The following CSMD1 variants were observed in gnomAD, a reference collection of about 807,000 sequenced individuals.
CSMD1 encodes the protein CUB and sushi domain-containing protein 1.
In CSMD1, 213 loss-of-function variants were observed where a neutral mutation model predicts 417.5. That is an observed-to-expected ratio of 0.51 (90% CI 0.46 to 0.57). The LOEUF (loss-of-function observed/expected upper bound fraction) is 0.57, where lower values mean the gene tolerates loss of function less well. Ranked by LOEUF, CSMD1 falls within the 20% of genes least tolerant of loss-of-function variation. The pLI is 0.00. For synonymous variants in CSMD1, 2,862 were observed against 1,736.8 expected (o/e 1.65, Z -16.11); for missense variants, 6,923 against 4,529.7 (o/e 1.53, Z -15.17).
intron 5 of CSMD1, among the ~76,000 whole-genome samples, chr8:3,880,177 A>G (rs1303343596): frequency 1.3e-5 from 2 of 152,204 alleles, no homozygotes; most frequent in Admixed American, 1.3e-4. Context: ...ATTGGATTCA[A>G]GAATAGCCAA....
intron 2 of CSMD1, among the ~76,000 whole-genome samples, chr8:4,566,113 A>G (rs1798593715): frequency 6.6e-6 from 1 of 152,126 alleles, no homozygotes; most frequent in South Asian, 2.1e-4. Context: ...TGTACTTTCC[A>G]GGAATATACA....
At chr8:3,416,438 A>T (rs73657869) in intron 12 of CSMD1, among the ~76,000 whole-genome samples, 1 of 152,176 alleles carries the variant, frequency 6.6e-6, no homozygotes, top group Non-Finnish European at 1.5e-5. Context: ...AAATAAATGA[A>T]TGTGGACTAT....
intron 31 of CSMD1, among the ~76,000 whole-genome samples, chr8:3,202,331 T>A (rs1371702606): frequency 1.3e-5 from 2 of 152,234 alleles, no homozygotes; most frequent in African/African-American, 4.8e-5. Flanking sequence ...CATTAATACG[T>A]TGCCGTATTC....
At chr8:3,019,198 G>T (rs145816602) in intron 51 of CSMD1, among the ~76,000 whole-genome samples, 3 of 152,144 alleles carry the variant, frequency 2.0e-5, no homozygotes, top group Non-Finnish European at 2.9e-5. Flanking sequence ...GATTACAGGC[G>T]TGAGCCACTG....
In CSMD1 at chr8:3,535,380, A is replaced by G. The variant is rs538229617; in HGVS notation, c.1344+39565T>C. On this transcript the variant is annotated intron_variant, in intron 10 of 69. Coordinates refer to ENST00000635120, the MANE Select transcript of CSMD1 (RefSeq NM_033225.6). Reference sequence around the variant, plus strand: ...CTGAGTCCAGAGGACAGAAATGGAAATAAAAGTGTGAACCCTGACACCTGC... The same window carrying G: ...CTGAGTCCAGAGGACAGAAATGGAAGTAAAAGTGTGAACCCTGACACCTGC... 2.6e-5 allele frequency among the ~76,000 whole-genome samples: 4 copies of G among 152,308 alleles called. No homozygotes were observed. In the South Asian group the frequency reaches 6.2e-4, roughly 24 times the overall value.
At chr8:4,635,408 T>C (rs1266545828) in intron 2 of CSMD1, among the ~76,000 whole-genome samples, 1 of 152,072 alleles carries the variant, frequency 6.6e-6, no homozygotes, top group Non-Finnish European at 1.5e-5. Flanking sequence ...ATCATAATAG[T>C]ACCATAAGAC....
chr8:4,460,571 T>C (rs1371243518), intron 2 of CSMD1, among the ~76,000 whole-genome samples: 1 of 151,108 alleles, frequency 6.6e-6, no homozygotes, highest in Non-Finnish European at 1.5e-5. Context: ...TTTGCTAGAC[T>C]GTTCAAGAAA....
intron 26 of CSMD1, among the ~76,000 whole-genome samples, chr8:3,263,131 C>T (rs559427912): frequency 1.3e-5 from 2 of 152,150 alleles, no homozygotes; most frequent in South Asian, 4.2e-4. Context: ...GAGAGTTTCA[C>T]TTTGTTGTCC....
At chr8:3,616,861 A>C in intron 7 of CSMD1, 64 bp from the exon 8 acceptor site, 2 of 1,172,734 alleles carry the variant, frequency 1.7e-6, no homozygotes, top group Non-Finnish European at 2.4e-6. Context: ...CAGATAAAAA[A>C]TTTATTCTAG....
intron 5 of CSMD1, among the ~76,000 whole-genome samples, chr8:3,756,315 T>G (rs1449311711): frequency 6.7e-6 from 1 of 149,350 alleles, no homozygotes; most frequent in Non-Finnish European, 1.5e-5. Flanking sequence ...ATCGCGCCAC[T>G]GCACTCCACC....
chr8:4,833,666 G>T lies in CSMD1; in HGVS notation c.85+160666C>A, dbSNP rs116679651. ...CAGAGTAGACAACACTACGTAGAGT[G>T]TTGCCTGCACAGCAAGAGCTGGATC... On this transcript the variant is annotated intron_variant, in intron 1 of 69. Coordinates refer to ENST00000635120, the MANE Select transcript of CSMD1 (RefSeq NM_033225.6). 3.1e-3 allele frequency among the ~76,000 whole-genome samples: 478 copies of T among 152,318 alleles called. 1 individual carries two copies. Among genetic ancestry groups the T allele is most frequent in the African/African-American group, 0.011 (463 of 41,566 alleles).
intron 50 of CSMD1, among the ~76,000 whole-genome samples, chr8:3,050,888 T>G (rs139805947): frequency 2.0e-5 from 3 of 152,334 alleles, no homozygotes; most frequent in African/African-American, 7.2e-5. Flanking sequence ...GAAGACTATG[T>G]GAATCCTTCT....
chr8:4,594,267 G>A (rs1800145142), intron 2 of CSMD1, among the ~76,000 whole-genome samples: 1 of 139,144 alleles, frequency 7.2e-6, no homozygotes, highest in African/African-American at 2.7e-5. Context: ...GCAGTGGCGT[G>A]ATCTCAGCTC....
chr8:4,650,034 T>C (rs1258090716), intron 1 of CSMD1, among the ~76,000 whole-genome samples: 2 of 152,164 alleles, frequency 1.3e-5, no homozygotes, highest in Admixed American at 6.5e-5. Flanking sequence ...ATGTCTGGGA[T>C]GAGACAGCTT....
In CSMD1 at chr8:4,498,352, G is replaced by A. The variant is rs1802082030; in HGVS notation, c.303-78287C>T. On this transcript the variant is annotated intron_variant, in intron 2 of 69. Transcript: ENST00000635120. ...ACACACACGTTAACTTATTTCTTAT[G>A]TATTTATATAATCTTATATAGCATG... 2.0e-5 allele frequency among the ~76,000 whole-genome samples: 3 copies of A among 151,876 alleles called. No homozygotes were observed. In the South Asian group the frequency reaches 6.2e-4, roughly 32 times the overall value.
chr8:3,816,143 A>G (rs1442328393), intron 5 of CSMD1, among the ~76,000 whole-genome samples: 1 of 152,168 alleles, frequency 6.6e-6, no homozygotes, highest in Non-Finnish European at 1.5e-5. Flanking sequence ...GCTCAGTCTC[A>G]AAGAAAACAA....
intron 1 of CSMD1, among the ~76,000 whole-genome samples, chr8:4,992,194 C>T (rs1001323021): frequency 1.3e-5 from 2 of 152,168 alleles, no homozygotes; most frequent in African/African-American, 4.8e-5. Context: ...CCAGAGCAGC[C>T]CCCGCCCACT....
At chr8:3,190,299 G>A (rs1033635301) in intron 33 of CSMD1, among the ~76,000 whole-genome samples, 184 bp from the exon 34 acceptor site, 13 of 106,184 alleles carry the variant, frequency 1.2e-4, no homozygotes, top group Non-Finnish European at 2.4e-4. Context: ...GGTGCAGATA[G>A]AGAAGTTAAT....
At chr8:4,860,108 G>T (rs1802037862) in intron 1 of CSMD1, among the ~76,000 whole-genome samples, 2 of 151,822 alleles carry the variant, frequency 1.3e-5, no homozygotes, top group Admixed American at 1.3e-4. Flanking sequence ...CACGTCCTTT[G>T]TAGGGACATG....
Sources: gnomAD v4.1 joint callset for allele counts (sites outside exome capture counted in the v4.1 genomes callset) on GRCh38, gnomAD v4.1.1 for gene constraint, MANE v1.5 for transcripts, NCBI Gene and HGNC (gene_info 2026-07-23, HGNC 2026-07-21) for gene names.